The following NCAM1 variants were observed in gnomAD, a reference collection of about 807,000 sequenced individuals.
The protein encoded by NCAM1 is neural cell adhesion molecule 1.
NCAM1 carries 14 observed loss-of-function variants against 109.8 expected under a neutral mutation model. The observed-to-expected ratio is 0.13, with a 90% CI of 0.08 to 0.20. The LOEUF (loss-of-function observed/expected upper bound fraction) is 0.20, where lower values mean the gene tolerates loss of function less well. Among genes scored for constraint, NCAM1 ranks in the 10% least tolerant of loss-of-function variants. The pLI, the probability that NCAM1 is intolerant of heterozygous loss-of-function variation, is 1.00. For missense variants in NCAM1, 774 were observed against 1,109.9 expected (o/e 0.70, Z 4.30); for synonymous variants, 418 against 442.9 (o/e 0.94, Z 0.70).
At chr11:112,984,857 C>G (rs1951253360) in intron 1 of NCAM1, among the ~76,000 whole-genome samples, 1 of 151,636 alleles carries the variant, frequency 6.6e-6, no homozygotes, top group African/African-American at 2.4e-5. Context: ...ACTTCCTTTT[C>G]TATTTTTGAT....
Position 113,276,512 on chromosome 11 carries a change from G to A in NCAM1, c.*1125G>A, listed in dbSNP as rs374126848. On this transcript the variant is annotated 3_prime_UTR_variant, in exon 20 of 20. Transcript: ENST00000316851. ...TTTGTTGAATGAAGCAGAGAAGATT[G>A]TATAGTTGGGGCTGGTCTTGGTGAA... 1.3e-5 allele frequency: 2 copies of A among 152,642 alleles called. No homozygotes were observed. The highest frequency in any genetic ancestry group is 1.3e-4 in the Admixed American group (2 of 15,286). 9.5% of individuals were successfully genotyped at this position (152,642 alleles called of 1,614,324 possible).
intron 1 of NCAM1, among the ~76,000 whole-genome samples, chr11:113,041,390 C>T (rs1418289272): frequency 6.6e-6 from 1 of 150,918 alleles, no homozygotes; most frequent in Non-Finnish European, 1.5e-5. Flanking sequence ...GTCTGTGAAG[C>T]CAGGAGAGTA....
At chr11:113,119,192 T>C (rs1168007862) in intron 1 of NCAM1, among the ~76,000 whole-genome samples, 1 of 150,158 alleles carries the variant, frequency 6.7e-6, no homozygotes, top group Non-Finnish European at 1.5e-5. Flanking sequence ...ACTTAGAGGG[T>C]TGGGGAGTTC....
chr11:113,187,561 T>G (rs144972880), intron 1 of NCAM1, among the ~76,000 whole-genome samples: 2 of 95,322 alleles, frequency 2.1e-5, no homozygotes, highest in African/African-American at 8.2e-5. Context: ...GTGTGTGTGT[T>G]TCTGTGTGTG....
chr11:113,159,702 C>A (rs1259042384), intron 1 of NCAM1, among the ~76,000 whole-genome samples: 2 of 151,678 alleles, frequency 1.3e-5, no homozygotes, highest in East Asian at 3.9e-4. Flanking sequence ...TACAGTGATT[C>A]TTTTTTTGTT....
chr11:113,154,577 T>C (rs1439001260), intron 1 of NCAM1, among the ~76,000 whole-genome samples: 4 of 152,210 alleles, frequency 2.6e-5, no homozygotes, highest in Non-Finnish European at 5.9e-5. Flanking sequence ...ATTTTGGCTG[T>C]GAGCATGGAT....
intron 1 of NCAM1, among the ~76,000 whole-genome samples, chr11:113,138,123 TCAGC>T (rs1941674685): frequency 1.3e-5 from 2 of 152,180 alleles, no homozygotes; most frequent in Non-Finnish European, 2.9e-5. Flanking sequence ...GTTGTTAGGC[TCAGC>T]TGCCTCTGTG....
intron 7 of NCAM1, among the ~76,000 whole-genome samples, chr11:113,208,498 G>C (rs1348879054): frequency 6.6e-6 from 1 of 151,774 alleles, no homozygotes; most frequent in East Asian, 1.9e-4. Flanking sequence ...CACTGCCCTA[G>C]GTTTCTCTTC....
At position 113,128,904 on chromosome 11, in the gene NCAM1, A is replaced by AGG. The variant is rs780495846; in HGVS notation, c.53-73473_53-73472dup. 3.6e-3 allele frequency among the ~76,000 whole-genome samples: 270 copies of AGG among 74,760 alleles called. 2 individuals are homozygous for AGG. Among genetic ancestry groups the AGG allele is most frequent in the African/African-American group, 7.2e-3 (152 of 21,124 alleles). The allele number at this position is 74,760 out of a possible 152,430, so 49.0% of individuals were successfully genotyped here. A position where few individuals can be genotyped will look rare whatever the true frequency, so the allele number is the denominator to read the frequency against. ...AGTAACTAAAATACTTCAAGTTGTG[A>AGG]GGGTGTGTGTGTGTGTGTGTGTGTG... On this transcript the variant is annotated intron_variant, in intron 1 of 19. Coordinates refer to ENST00000316851, the MANE Select transcript of NCAM1 (RefSeq NM_181351.5).
chr11:113,109,761 A>G (rs782803605), intron 1 of NCAM1, among the ~76,000 whole-genome samples: 21 of 152,166 alleles, frequency 1.4e-4, no homozygotes, highest in Non-Finnish European at 2.6e-4. Context: ...CTGCATCTTG[A>G]ATGGGGAGGT....
At chr11:112,967,314 T>G (rs538895127) in intron 1 of NCAM1, among the ~76,000 whole-genome samples, 47 of 152,346 alleles carry the variant, frequency 3.1e-4, no homozygotes, top group African/African-American at 1.0e-3. Flanking sequence ...TCTTAAATAG[T>G]TGATCAAATA....
intron 1 of NCAM1, among the ~76,000 whole-genome samples, chr11:113,056,011 ATATATATATATAT>A (rs1565409286): frequency 2.0e-4 from 24 of 117,232 alleles, no homozygotes; most frequent in East Asian, 1.3e-3. Context: ...ATATATATAT[ATATATATATATAT>A]AAAATATATA....
chr11:113,060,424 C>G (rs1357412106), intron 1 of NCAM1, among the ~76,000 whole-genome samples: 1 of 152,190 alleles, frequency 6.6e-6, no homozygotes, highest in Non-Finnish European at 1.5e-5. Flanking sequence ...ATCAACACCT[C>G]TCCATTTCCT....
rs782663097 is a variant in NCAM1, at chr11:113,270,367, G to A, written c.2311G>A (p.Asp771Asn). Reference sequence around the variant, plus strand: ...AGCCGGGCCCGGGGCCAAGGGCAAGGACATGGAGGAGGGCAAGGCCGCCTT... The same window carrying A: ...AGCCGGGCCCGGGGCCAAGGGCAAGAACATGGAGGAGGGCAAGGCCGCCTT... ...GKAGPGAKGK[D>N]MEEGKAAFSK... Residue 771 changes from aspartate (D) to asparagine (N), a missense_variant, in exon 18 of 20, where the codon GAC (aspartate) becomes AAC (asparagine). Transcript: ENST00000316851. 26 of 1,613,908 alleles carry A rather than the reference G, an allele frequency of 1.6e-5. No individual in the cohort carries two copies. The highest frequency in any genetic ancestry group is 2.0e-5 in the Non-Finnish European group (24 of 1,179,914).
At chr11:113,065,034 G>A (rs1396866713) in intron 1 of NCAM1, among the ~76,000 whole-genome samples, 2 of 152,118 alleles carry the variant, frequency 1.3e-5, no homozygotes, top group Non-Finnish European at 2.9e-5. Context: ...GGGGCAGGAA[G>A]TATATAAGAT....
rs1366768824 is a variant in NCAM1 at position 113,233,355 on chromosome 11, A to C, written c.1693+38A>C. 6.3e-7 allele frequency: 1 copy of C among 1,590,156 alleles called. No homozygotes were observed. The highest frequency in any genetic ancestry group is 1.3e-5 in the African/African-American group (1 of 74,654). On this transcript the variant is annotated intron_variant, in intron 13 of 19. Coordinates refer to ENST00000316851, the MANE Select transcript of NCAM1 (RefSeq NM_181351.5). This position sits in a 1 kb window ranked among gnomAD's most constrained non-coding sequence, Gnocchi z 4.5. ...AGTTGGTGTTTCCATTGGGATCATG[A>C]GTGCCTCAGTACTCAGATGTCCCCA...
intron 1 of NCAM1, among the ~76,000 whole-genome samples, chr11:113,090,192 C>CTAAT (rs1939277488): frequency 6.6e-6 from 1 of 152,156 alleles, no homozygotes; most frequent in African/African-American, 2.4e-5. Flanking sequence ...CTGTGGACTA[C>CTAAT]TAGGTGATAA....
intron 17 of NCAM1, chr11:113,265,267 C>G (rs1591472497): frequency 1.7e-6 from 1 of 587,128 alleles, no homozygotes; most frequent in East Asian, 1.4e-4. Context: ...TTCCCTCCGC[C>G]TCTCATGTAC....
rs1301389250 is a variant in NCAM1, at chr11:112,962,723, ATTC to A, written c.52+1064_52+1066del. On this transcript the variant is annotated intron_variant, in intron 1 of 19. Transcript: ENST00000316851. The surrounding 1 kb of genome is among the most constrained non-coding windows in gnomAD (Gnocchi z 5.6). ...ATTTCCATCCCGGCCTCCCTGGAAA[ATTC>A]TTCTGTGCGTGCCCACCCTCCCCTC... Among the ~76,000 whole-genome samples, 4 of 151,664 alleles carry A rather than the reference ATTC, an allele frequency of 2.6e-5. No individual in the cohort carries two copies. The highest frequency in any genetic ancestry group is 9.7e-5 in the African/African-American group (4 of 41,266).
Sources: gnomAD v4.1 joint callset for allele counts (sites outside exome capture counted in the v4.1 genomes callset) on GRCh38, gnomAD v4.1.1 for gene constraint, Gnocchi (gnomAD v3.1) non-coding constraint, MANE v1.5 for transcripts, NCBI Gene and HGNC (gene_info 2026-07-23, HGNC 2026-07-21) for gene names.